SHMT1: variants seen among roughly 807,000 people sequenced by gnomAD.
SHMT1 encodes serine hydroxymethyltransferase, cytosolic.
A neutral mutation model predicts 49.0 loss-of-function variants in SHMT1; 45 were observed. That is an observed-to-expected ratio of 0.92 (90% CI 0.72 to 1.18). The LOEUF is 1.18. SHMT1 is among the 50% of genes most tolerant of loss of function. SHMT1 has a pLI of 0.00. For synonymous variants in SHMT1, 232 were observed against 246.6 expected, an observed-to-expected ratio of 0.94 and a Z score of 0.55; for missense variants, 541 against 612.4, an observed-to-expected ratio of 0.88 and a Z score of 1.23.
chr17:18,354,764 G>C (rs566450162), intron 2 of SHMT1, among the ~76,000 whole-genome samples: 1 of 152,038 alleles, frequency 6.6e-6, no homozygotes, highest in African/African-American at 2.4e-5. Context: ...TTTAGGCCGG[G>C]CGTGGTGGCT....
chr17:18,352,423 GGCGTGAGCCACC>G (rs1985816282), intron 3 of SHMT1, among the ~76,000 whole-genome samples: 1 of 152,196 alleles, frequency 6.6e-6, no homozygotes, highest in African/African-American at 2.4e-5. Flanking sequence ...TGGGATTACA[GGCGTGAGCCACC>G]GCGCCCGGTC....
At chr17:18,335,407 C>G in intron 8 of SHMT1, 152 bp downstream of exon 8, 1 of 687,002 alleles carries the variant, frequency 1.5e-6, no homozygotes, top group Non-Finnish European at 2.6e-6. Flanking sequence ...TTAGGCCAGT[C>G]TCAACCATGC....
At position 18,356,527 on chromosome 17, in the gene SHMT1, A is replaced by C. The variant is rs1186184506; in HGVS notation, c.-19-527T>G. Among the ~76,000 whole-genome samples, 4 of 150,906 alleles carry C rather than the reference A, an allele frequency of 2.7e-5. No homozygotes were observed. In the East Asian group the frequency reaches 7.9e-4, roughly 30 times the overall value. Reference sequence around the variant, plus strand: ...ATTTGTGTATTTTTCGTAGAGATGGAGTTTTATCACGTTGGTCAGGCTGGT... The same window carrying C: ...ATTTGTGTATTTTTCGTAGAGATGGCGTTTTATCACGTTGGTCAGGCTGGT... On this transcript the variant is annotated intron_variant, in intron 1 of 11. Coordinates refer to ENST00000316694, the MANE Select transcript of SHMT1 (RefSeq NM_004169.5).
chr17:18,340,696 C>T lies in SHMT1; in HGVS notation c.601+36G>A. ...TCATTCTGTAAGAGGCACCAGGCTA[C>T]TGGTGAACAAGGTGACTTTCCGCCC... On this transcript the variant is annotated intron_variant, in intron 6 of 11. Coordinates refer to ENST00000316694, the MANE Select transcript of SHMT1 (RefSeq NM_004169.5). This position sits in a 1 kb window ranked among gnomAD's most constrained non-coding sequence, Gnocchi z 4.5. 6.3e-7 allele frequency: 1 copy of T among 1,577,716 alleles called. No individual in the cohort carries two copies. Among genetic ancestry groups the T allele is most frequent in the South Asian group, 1.1e-5 (1 of 87,130 alleles).
intron 5 of SHMT1, among the ~76,000 whole-genome samples, chr17:18,344,194 T>C (rs902709202): frequency 1.3e-5 from 2 of 152,146 alleles, no homozygotes; most frequent in Non-Finnish European, 1.5e-5. Context: ...AACCCAACTA[T>C]AGAAGCTTGC....
At chr17:18,333,776 TTTTTTA>T (rs1983501328) in intron 8 of SHMT1, among the ~76,000 whole-genome samples, 1 of 151,482 alleles carries the variant, frequency 6.6e-6, no homozygotes, top group South Asian at 2.1e-4. Context: ...GCTAAAAAAA[TTTTTTA>T]TTTTTATATT....
At chr17:18,355,327 G>A (rs1175564525) in intron 2 of SHMT1, among the ~76,000 whole-genome samples, 2 of 143,150 alleles carry the variant, frequency 1.4e-5, no homozygotes, top group African/African-American at 5.3e-5. Flanking sequence ...CTGAGATCAC[G>A]CCACTGCACT....
Position 18,330,595 on chromosome 17 carries a change from T to C in SHMT1, c.1131A>G (p.Leu377=). ...GTDGGRAEKV[L]EACSIACNKN... is the part of the protein sequence containing the mutation. The stretch of plus-strand genomic sequence containing the variant: ...TGTTGCAGGCAATAGAACAGGCTTC[T>C]AGCACCTTCTCAGCCCTTCCACCAT... The change falls in exon 10 of 12, where the codon CTA becomes CTG. Residue 377 remains leucine (L), a synonymous_variant. Coordinates refer to ENST00000316694, the MANE Select transcript of SHMT1 (RefSeq NM_004169.5). The C allele has an allele frequency of 1.2e-6, 2 of 1,614,134 alleles. No individual in the cohort carries two copies. The highest frequency in any genetic ancestry group is 1.7e-6 in the Non-Finnish European group (2 of 1,179,966).
intron 1 of SHMT1, 92 bp from the exon 2 acceptor site, chr17:18,356,092 GC>G: frequency 1.6e-6 from 1 of 633,112 alleles, no homozygotes. Flanking sequence ...AGTCTTTGTT[GC>G]CCAGGCTAGA....
chr17:18,339,049 TAAAAAAAAAAAAAAAAAA>T (rs34704448), intron 7 of SHMT1, among the ~76,000 whole-genome samples: 3 of 26,852 alleles, frequency 1.1e-4, no homozygotes, highest in African/African-American at 3.6e-4. Flanking sequence ...CAATAAATAC[TAAAAAAAAAAAAAAAAAA>T]AAAAAAAAAA....
intron 5 of SHMT1, among the ~76,000 whole-genome samples, chr17:18,344,577 G>A (rs867031218): frequency 1.6e-3 from 105 of 65,326 alleles, no homozygotes; most frequent in African/African-American, 2.7e-3. Flanking sequence ...ACAATTACCG[G>A]AAAAAAAAAA....
At chr17:18,360,384 C>G (rs1345885015) in intron 1 of SHMT1, 1 of 152,044 alleles carries the variant, frequency 6.6e-6, no homozygotes, top group African/African-American at 2.4e-5. Flanking sequence ...TGGCAAAACC[C>G]TGTCTCTAAA....
At chr17:18,349,920 T>C (rs1191011424) in intron 3 of SHMT1, among the ~76,000 whole-genome samples, 1 of 152,032 alleles carries the variant, frequency 6.6e-6, no homozygotes, top group African/African-American at 2.4e-5. Context: ...TTGAGGAGGC[T>C]GAGGTAGGAG....
intron 1 of SHMT1, among the ~76,000 whole-genome samples, chr17:18,361,957 A>T (rs1161392331): frequency 6.6e-6 from 1 of 152,154 alleles, no homozygotes; most frequent in African/African-American, 2.4e-5. Flanking sequence ...AACGTCAGGG[A>T]AAAAGACCTA....
At chr17:18,336,636 A>G (rs1003714473) in intron 7 of SHMT1, among the ~76,000 whole-genome samples, 2 of 151,934 alleles carry the variant, frequency 1.3e-5, no homozygotes, top group African/African-American at 4.8e-5. Flanking sequence ...ACTGCACTCC[A>G]GCCTGGGCGA....
intron 5 of SHMT1, among the ~76,000 whole-genome samples, chr17:18,345,229 C>G (rs1346699425): frequency 3.3e-5 from 5 of 152,152 alleles, no homozygotes; most frequent in Non-Finnish European, 7.4e-5. Flanking sequence ...ACGGGGGTGG[C>G]TGGAGGGAAC....
chr17:18,354,031 C>T (rs955706959), intron 2 of SHMT1, among the ~76,000 whole-genome samples: 1 of 152,142 alleles, frequency 6.6e-6, no homozygotes, highest in Non-Finnish European at 1.5e-5. Context: ...GACTGTAATC[C>T]CAGCACTTTG....
chr17:18,354,791 G>A (rs189376304), intron 2 of SHMT1, among the ~76,000 whole-genome samples: 127 of 151,178 alleles, frequency 8.4e-4, no homozygotes, highest in Non-Finnish European at 1.5e-3. Context: ...TGTAATCCCA[G>A]CACTTTGGGA....
At chr17:18,335,534 T>C (rs769724140) in intron 8 of SHMT1, 25 bp downstream of exon 8, 18 of 1,497,010 alleles carry the variant, frequency 1.2e-5, no homozygotes. Context: ...GGCTACAGGA[T>C]GAGCAGAGGC....
Sources: gnomAD v4.1 joint callset for allele counts (sites outside exome capture counted in the v4.1 genomes callset) on GRCh38, gnomAD v4.1.1 for gene constraint, Gnocchi (gnomAD v3.1) non-coding constraint, MANE v1.5 for transcripts, NCBI Gene and HGNC (gene_info 2026-07-23, HGNC 2026-07-21) for gene names.